IFTAP: variants seen among roughly 807,000 people sequenced by gnomAD.
IFTAP encodes intraflagellar transport associated protein.
IFTAP carries 19 observed loss-of-function variants against 19.4 expected under a neutral mutation model. The observed-to-expected ratio is 0.98, with a 90% CI of 0.68 to 1.44. The LOEUF (loss-of-function observed/expected upper bound fraction) is 1.44. IFTAP is among the 40% of genes most tolerant of loss of function. The pLI is 0.00. For missense variants in IFTAP, 240 were observed against 253.6 expected (o/e 0.95, Z 0.36); for synonymous variants, 85 against 83.5 (o/e 1.02, Z -0.10).
intron 2 of IFTAP, among the ~76,000 whole-genome samples, chr11:36,614,477 C>G (rs1224360393): frequency 6.7e-6 from 1 of 148,660 alleles, no homozygotes; most frequent in African/African-American, 2.5e-5. Context: ...AGTTCTAGAT[C>G]CCTGAGGAAT....
Position 36,637,549 on chromosome 11 carries a change from G to C in IFTAP, c.358+1432G>C, listed in dbSNP as rs539503022. On this transcript the variant is annotated intron_variant, in intron 4 of 5. Transcript: ENST00000334307. Reference sequence around the variant, plus strand: ...ACTGTTTTGGGTTTTGGGTGATTTGGGGGAGGGAACCTTGTTAAAAATGCA... The same window carrying C: ...ACTGTTTTGGGTTTTGGGTGATTTGCGGGAGGGAACCTTGTTAAAAATGCA... 6.8e-4 allele frequency among the ~76,000 whole-genome samples: 104 copies of C among 152,178 alleles called. 1 individual carries two copies. The highest frequency in any genetic ancestry group is 5.9e-3 in the Admixed American group (90 of 15,282).
At position 36,610,414 on chromosome 11, in the gene IFTAP, A is replaced by G. The variant is rs1162274085; in HGVS notation, c.136+175A>G. On this transcript the variant is annotated intron_variant, in intron 2 of 5. Coordinates refer to ENST00000334307, the MANE Select transcript of IFTAP (RefSeq NM_138787.4). ...TGCCCTAATGTTACTGATGATATAA[A>G]TACCAGTCTTCATACATCCAAGAGT... is the stretch of plus-strand genomic sequence containing the variant. Among the ~76,000 whole-genome samples the G allele has an allele frequency of 2.6e-5, 4 of 152,178 alleles. No homozygotes were observed. The South Asian group carries it at 8.3e-4, about 32-fold the overall frequency.
intron 2 of IFTAP, among the ~76,000 whole-genome samples, chr11:36,621,355 A>C (rs1031290087): frequency 2.6e-5 from 4 of 151,998 alleles, no homozygotes; most frequent in African/African-American, 9.7e-5. Flanking sequence ...CCAAACTCTT[A>C]TATGAAAATC....
chr11:36,633,849 C>T (rs10836581), intron 3 of IFTAP, among the ~76,000 whole-genome samples: 23,459 of 152,056 alleles, frequency 0.15, 2,614 homozygotes, highest in African/African-American at 0.31. Flanking sequence ...TCTCTAATAT[C>T]TGGTCAATAA....
intron 2 of IFTAP, among the ~76,000 whole-genome samples, chr11:36,631,821 G>T (rs954261050): frequency 6.6e-6 from 1 of 150,864 alleles, no homozygotes; most frequent in Non-Finnish European, 1.5e-5. Flanking sequence ...GATCATTGAC[G>T]TAGGTTCCTG....
At position 36,654,204 on chromosome 11, in the gene IFTAP, C is replaced by T. The variant is rs191046031; in HGVS notation, c.499-4815C>T. On this transcript the variant is annotated intron_variant, in intron 5 of 5. Coordinates refer to ENST00000334307, the MANE Select transcript of IFTAP (RefSeq NM_138787.4). ...TCAATTGCTTTATGATTGCCAAATC[C>T]AGCGGACACTTTCCAGTCTTCCTTT... Among the ~76,000 whole-genome samples, 141 of 152,266 alleles carry T rather than the reference C, an allele frequency of 9.3e-4. 2 individuals are homozygous for T. In the South Asian group the frequency reaches 0.017, roughly 19 times the overall value.
chr11:36,631,883 C>G (rs989623674), intron 2 of IFTAP, among the ~76,000 whole-genome samples: 1 of 151,138 alleles, frequency 6.6e-6, no homozygotes, highest in African/African-American at 2.5e-5. Flanking sequence ...GTACCCTGCA[C>G]GCTTAGTTCT....
chr11:36,625,716 A>G lies in IFTAP; in HGVS notation c.137-7568A>G, dbSNP rs545120617. 4.6e-5 allele frequency among the ~76,000 whole-genome samples: 7 copies of G among 152,342 alleles called. No homozygotes were observed. The East Asian group carries it at 1.3e-3, about 29-fold the overall frequency. On this transcript the variant is annotated intron_variant, in intron 2 of 5. Transcript: ENST00000334307. ...AGATCATTGCCTTCAGAGAAATTGT[A>G]TTCTAGAAGGGGGAAACTGAAATTT...
At chr11:36,657,678 C>T (rs1038735932) in intron 5 of IFTAP, among the ~76,000 whole-genome samples, 3 of 152,106 alleles carry the variant, frequency 2.0e-5, no homozygotes, top group African/African-American at 7.2e-5. Context: ...GTATTTTGGG[C>T]AAGTTACTTA....
Position 36,600,356 on chromosome 11 carries a change from G to A in IFTAP, c.-24+5764G>A, listed in dbSNP as rs1007202150. Among the ~76,000 whole-genome samples the A allele has an allele frequency of 3.3e-5, 5 of 152,336 alleles. No homozygotes were observed. In the South Asian group the frequency reaches 8.3e-4, roughly 25 times the overall value. ...AGGGCTTCACAGCAGGAGGTGAGCC[G>A]CAGGCCGGCAAGCCTTACTGCCTGA... On this transcript the variant is annotated intron_variant, in intron 1 of 5. Coordinates refer to ENST00000334307, the MANE Select transcript of IFTAP (RefSeq NM_138787.4).
At chr11:36,644,586 G>C (rs1212025524) in intron 4 of IFTAP, among the ~76,000 whole-genome samples, 1 of 151,978 alleles carries the variant, frequency 6.6e-6, no homozygotes, top group East Asian at 1.9e-4. Context: ...ATAGCAAAGA[G>C]TTGGAACCAA....
At chr11:36,623,992 TGTGTATATATATA>T (rs1852408035) in intron 2 of IFTAP, among the ~76,000 whole-genome samples, 2 of 149,292 alleles carry the variant, frequency 1.3e-5, no homozygotes, top group Non-Finnish European at 3.0e-5. Context: ...TATATATATG[TGTGTATATATATA>T]TTTTTTTCCT....
intron 2 of IFTAP, among the ~76,000 whole-genome samples, chr11:36,624,365 A>G (rs1312983041): frequency 6.6e-6 from 1 of 152,162 alleles, no homozygotes; most frequent in African/African-American, 2.4e-5. Context: ...GTTTGTGTCA[A>G]TGAGATGTGA....
At chr11:36,641,528 T>C (rs955157002) in intron 4 of IFTAP, among the ~76,000 whole-genome samples, 2 of 152,260 alleles carry the variant, frequency 1.3e-5, no homozygotes, top group Non-Finnish European at 2.9e-5. Context: ...CATTTTGTTA[T>C]GTAGCCAGTA....
chr11:36,614,526 G>T (rs1266509982), intron 2 of IFTAP, among the ~76,000 whole-genome samples: 8 of 148,708 alleles, frequency 5.4e-5, no homozygotes, highest in East Asian at 2.0e-4. Flanking sequence ...CTAGTTTACA[G>T]TCCCACCAAC....
rs114938564 is a variant in IFTAP, at chr11:36,635,863, T to A, written c.292-188T>A. Among the ~76,000 whole-genome samples, 299 of 152,320 alleles carry A rather than the reference T, an allele frequency of 2.0e-3. 1 individual carries two copies. Among genetic ancestry groups the A allele is most frequent in the African/African-American group, 6.9e-3 (287 of 41,574 alleles). On this transcript the variant is annotated intron_variant, in intron 3 of 5. Coordinates refer to ENST00000334307, the MANE Select transcript of IFTAP (RefSeq NM_138787.4). ...AATCCAGGCCAGCTTTCAAATTTAC[T>A]GCTTCTTTCAGATGTCTCTTGGGAA...
intron 4 of IFTAP, among the ~76,000 whole-genome samples, chr11:36,638,311 A>T (rs1853042344): frequency 6.6e-6 from 1 of 152,188 alleles, no homozygotes; most frequent in African/African-American, 2.4e-5. Context: ...TAAAATATTG[A>T]TAAAAACATC....
chr11:36,647,982 G>A (rs377345530), intron 4 of IFTAP, 34 bp from the exon 5 acceptor site: 96 of 1,597,452 alleles, frequency 6.0e-5, no homozygotes, highest in African/African-American at 2.3e-4. Flanking sequence ...TGAACTTTGC[G>A]AAAGGCTCAG....
At chr11:36,616,479 T>C (rs1316596153) in intron 2 of IFTAP, among the ~76,000 whole-genome samples, 1 of 152,002 alleles carries the variant, frequency 6.6e-6, no homozygotes, top group Non-Finnish European at 1.5e-5. Context: ...AGGTAGAACA[T>C]TGTGTGTCTG....
Sources: allele counts gnomAD v4.1 joint callset (sites outside exome capture counted in the v4.1 genomes callset), GRCh38; gene constraint gnomAD v4.1.1; transcripts MANE v1.5; gene names NCBI Gene and HGNC (gene_info 2026-07-23, HGNC 2026-07-21).